Variants in IQSEC1 observed in about 807,000 individuals in gnomAD.
IQSEC1 encodes the protein IQ motif and SEC7 domain-containing protein 1.
In IQSEC1, 31 loss-of-function variants were observed where a neutral mutation model predicts 91.0. The observed-to-expected ratio is 0.34, with a 90% confidence interval of 0.26 to 0.46. The LOEUF (loss-of-function observed/expected upper bound fraction) is 0.46, where lower values mean the gene tolerates loss of function less well. Ranked by LOEUF, IQSEC1 falls within the 20% of genes least tolerant of loss-of-function variation. The pLI, the probability that IQSEC1 is intolerant of heterozygous loss-of-function variation, is 1.00. For missense variants in IQSEC1, 1,388 were observed against 1,575.6 expected (o/e 0.88, Z 2.02); for synonymous variants, 699 against 662.6 (o/e 1.05, Z -0.84).
At chr3:13,066,145 G>C (rs913651741) in intron 1 of IQSEC1, among the ~76,000 whole-genome samples, 1 of 152,176 alleles carries the variant, frequency 6.6e-6, no homozygotes, top group Non-Finnish European at 1.5e-5. Flanking sequence ...TTCTGGAGAT[G>C]GATGCTGTGT....
At position 13,112,709 on chromosome 3, in the gene IQSEC1, C is replaced by A. The variant is rs534503351; in HGVS notation, c.302+51395G>T. The stretch of plus-strand genomic sequence containing the variant: ...GGCCAGGGAGCTGCCTGCTGGCCTG[C>A]AGCTTTGGGTACGGGGGCGAGCAGG... On this transcript the variant is annotated intron_variant, in intron 2 of 15. Transcript: ENST00000648114. Among the ~76,000 whole-genome samples the A allele has an allele frequency of 3.3e-5, 5 of 152,320 alleles. No individual in the cohort carries two copies. The East Asian group carries it at 9.7e-4, about 29-fold the overall frequency.
intron 2 of IQSEC1, among the ~76,000 whole-genome samples, chr3:13,107,004 C>T (rs188990750): frequency 6.6e-6 from 1 of 152,262 alleles, no homozygotes; most frequent in African/African-American, 2.4e-5. Flanking sequence ...TCTAGAATGG[C>T]TTAAATCATC....
chr3:13,110,575 G>A (rs1320858052), intron 2 of IQSEC1, among the ~76,000 whole-genome samples: 3 of 152,128 alleles, frequency 2.0e-5, no homozygotes, highest in Non-Finnish European at 2.9e-5. Flanking sequence ...GCAACAGAGC[G>A]AGACTTCGTT....
At chr3:13,058,778 C>T (rs545489130) in intron 1 of IQSEC1, among the ~76,000 whole-genome samples, 4 of 152,306 alleles carry the variant, frequency 2.6e-5, no homozygotes, top group East Asian at 3.9e-4. Context: ...ATTTTAGGGG[C>T]GCAAGATGCT....
chr3:13,109,561 C>T (rs1011488317), intron 2 of IQSEC1, among the ~76,000 whole-genome samples: 34 of 152,206 alleles, frequency 2.2e-4, no homozygotes, highest in Middle Eastern at 3.4e-3. Context: ...TTGGGTCATA[C>T]GGGTGGATCC....
chr3:13,003,979 C>T (rs7638644), intron 1 of IQSEC1, among the ~76,000 whole-genome samples: 29,539 of 152,118 alleles, frequency 0.19, 3,544 homozygotes, highest in African/African-American at 0.34. Flanking sequence ...AGTGATGAGT[C>T]TGGGTGAATG....
intron 2 of IQSEC1, among the ~76,000 whole-genome samples, chr3:13,159,527 G>A (rs984219789): frequency 1.3e-5 from 2 of 152,194 alleles, no homozygotes; most frequent in Non-Finnish European, 1.5e-5. Flanking sequence ...CACCACAGGC[G>A]ACACTGACTT....
rs377190151 is a variant in IQSEC1 at position 12,899,348 on chromosome 3, C to T, written c.*1635G>A. On this transcript the variant is annotated 3_prime_UTR_variant, in exon 14 of 14. Transcript: ENST00000613206. ...GCTTCGCCCTTTCTGAAAGGGCCTC[C>T]GCCTGGGCAGGCGCCGGGGGGCAGT... 7.0e-5 allele frequency: 112 copies of T among 1,607,528 alleles called. No homozygotes were observed. Among genetic ancestry groups the T allele is most frequent in the Admixed American group, 1.7e-4 (10 of 59,564 alleles).
At chr3:12,915,937 C>A (rs533847296) in intron 6 of IQSEC1, among the ~76,000 whole-genome samples, 1 of 152,300 alleles carries the variant, frequency 6.6e-6, no homozygotes, top group East Asian at 1.9e-4. Context: ...ACATCCGACC[C>A]GGTCTAGTAG....
At chr3:13,004,961 T>C (rs910070782) in intron 1 of IQSEC1, among the ~76,000 whole-genome samples, 3 of 152,220 alleles carry the variant, frequency 2.0e-5, no homozygotes, top group East Asian at 3.8e-4. Context: ...AGGGGATCTC[T>C]CATCCCGTAT....
chr3:13,048,879 C>T (rs1704588272), intron 1 of IQSEC1, among the ~76,000 whole-genome samples: 2 of 152,220 alleles, frequency 1.3e-5, no homozygotes, highest in Admixed American at 1.3e-4. Flanking sequence ...AGGTGGCACC[C>T]CTCTCCCCTT....
At chr3:13,267,785 T>A (rs999571267) in intron 1 of IQSEC1, among the ~76,000 whole-genome samples, 8 of 151,916 alleles carry the variant, frequency 5.3e-5, no homozygotes, top group Non-Finnish European at 1.0e-4. Flanking sequence ...ACCCGGCTAA[T>A]TTTTTGTATT....
rs1230726135 is a variant in IQSEC1 at position 12,897,872 on chromosome 3, T to A, written c.*3111A>T. On this transcript the variant is annotated 3_prime_UTR_variant, in exon 14 of 14. Coordinates refer to ENST00000613206, the MANE Select transcript of IQSEC1 (RefSeq NM_001134382.3). ...GTGCTGAAGACATTTTTAAGCAAGA[T>A]GTGCACAGCATATTAGGATGAACTT... 4 of 152,252 alleles carry A rather than the reference T, an allele frequency of 2.6e-5. No individual in the cohort carries two copies. Among genetic ancestry groups the A allele is most frequent in the African/African-American group, 9.6e-5 (4 of 41,468 alleles). The allele number at this position is 152,252 out of a possible 1,614,324, so 9.4% of individuals were successfully genotyped here. A position where few individuals can be genotyped will look rare whatever the true frequency, so the allele number is the denominator to read the frequency against.
Position 13,101,054 on chromosome 3 carries a change from G to C in IQSEC1, c.303-53532C>G, listed in dbSNP as rs1212651879. 3.3e-5 allele frequency among the ~76,000 whole-genome samples: 4 copies of C among 122,524 alleles called. 1 individual carries two copies. The highest frequency in any genetic ancestry group is 7.1e-5 in the Non-Finnish European group (4 of 56,390). 80.4% of individuals were successfully genotyped at this position (122,524 alleles called of 152,430 possible). A position where few individuals can be genotyped will look rare whatever the true frequency, so the allele number is the denominator to read the frequency against. ...AGCTGCAAGGGGGCCGAGAGGCTGG[G>C]AGGGACTGAGCTGGGAAGAGGAGGT... On this transcript the variant is annotated intron_variant, in intron 2 of 15. Transcript: ENST00000648114.
intron 12 of IQSEC1, among the ~76,000 whole-genome samples, chr3:12,903,689 C>G (rs1421185615): frequency 6.6e-6 from 1 of 152,192 alleles, no homozygotes; most frequent in Non-Finnish European, 1.5e-5. Context: ...CTCCTGAGGA[C>G]TTCTCCGTGG....
intron 1 of IQSEC1, among the ~76,000 whole-genome samples, chr3:13,069,233 C>G (rs995360593): frequency 6.6e-6 from 1 of 152,132 alleles, no homozygotes; most frequent in Admixed American, 6.5e-5. Flanking sequence ...AAGACTGGGC[C>G]TCCGGTTCCC....
At chr3:13,092,856 T>G (rs1177577455) in intron 2 of IQSEC1, among the ~76,000 whole-genome samples, 1 of 152,166 alleles carries the variant, frequency 6.6e-6, no homozygotes, top group Non-Finnish European at 1.5e-5. Context: ...ACTTTCCATC[T>G]CCAAGGCCGA....
At position 13,047,712 on chromosome 3, in the gene IQSEC1, T is replaced by A. The variant is rs911673187; in HGVS notation, c.23+25280A>T. Among the ~76,000 whole-genome samples, 3 of 151,830 alleles carry A rather than the reference T, an allele frequency of 2.0e-5. No individual in the cohort carries two copies. The East Asian group carries it at 5.8e-4, about 29-fold the overall frequency. ...CTTTCTTTCCCCCTGCTGGCTCAAC[T>A]GAGAAGCTGCCTTGTCTCTACCCCA... On this transcript the variant is annotated intron_variant, in intron 1 of 13. Transcript: ENST00000613206.
Position 12,909,146 on chromosome 3 carries a change from G to A in IQSEC1, c.2578+127C>T. 2 of 1,001,636 alleles carry A rather than the reference G, an allele frequency of 2.0e-6. No homozygotes were observed. Among genetic ancestry groups the A allele is most frequent in the Non-Finnish European group, 3.0e-6 (2 of 664,244 alleles). 62.0% of individuals were successfully genotyped at this position (1,001,636 alleles called of 1,614,324 possible). A position where few individuals can be genotyped will look rare whatever the true frequency, so the allele number is the denominator to read the frequency against. Reference sequence around the variant, plus strand: ...CAGACTGCCCCATCATGTGGCCATAGGGAAGGCCAGAAAAGACTGGGGGAC... The same window carrying A: ...CAGACTGCCCCATCATGTGGCCATAAGGAAGGCCAGAAAAGACTGGGGGAC... On this transcript the variant is annotated intron_variant, in intron 11 of 13. Coordinates refer to ENST00000613206, the MANE Select transcript of IQSEC1 (RefSeq NM_001134382.3). This position sits in a 1 kb window ranked among gnomAD's most constrained non-coding sequence, Gnocchi z 4.9.
Sources: allele counts gnomAD v4.1 joint callset (sites outside exome capture counted in the v4.1 genomes callset), GRCh38; gene constraint gnomAD v4.1.1; non-coding constraint Gnocchi (gnomAD v3.1); transcripts MANE v1.5; gene names NCBI Gene and HGNC (gene_info 2026-07-23, HGNC 2026-07-21).